Variants in ZFAT observed in about 807,000 individuals in gnomAD.
ZFAT encodes zinc finger and AT-hook domain containing, also known as zinc finger protein ZFAT.
In ZFAT, 64 loss-of-function variants were observed where a neutral mutation model predicts 117.7. The ratio of observed to expected loss-of-function variants is 0.54; its 90% CI spans 0.44 to 0.67. The LOEUF (loss-of-function observed/expected upper bound fraction) is 0.67, where lower values mean the gene tolerates loss of function less well. Ranked by LOEUF, ZFAT falls within the 30% of genes least tolerant of loss-of-function variation. The pLI is 0.00. For missense variants in ZFAT, 1,433 were observed against 1,584.5 expected (o/e 0.90, Z 1.62); for synonymous variants, 679 against 615.0 (o/e 1.10, Z -1.54).
intron 15 of ZFAT, among the ~76,000 whole-genome samples, chr8:134,508,468 G>A (rs1289357514): frequency 6.6e-6 from 1 of 152,156 alleles, no homozygotes; most frequent in Non-Finnish European, 1.5e-5. Context: ...ACACAATTCA[G>A]TAACAAATTT....
intron 12 of ZFAT, among the ~76,000 whole-genome samples, chr8:134,530,492 A>G (rs1212411809): frequency 6.6e-6 from 1 of 152,216 alleles, no homozygotes; most frequent in Non-Finnish European, 1.5e-5. Flanking sequence ...AACTGTGTTC[A>G]TACTCCACCA....
rs1817025588 is a variant in ZFAT at position 134,478,355 on chromosome 8, G to A, written c.*127C>T. 2.9e-6 allele frequency: 4 copies of A among 1,394,192 alleles called. No homozygotes were observed. In the East Asian group the frequency reaches 1.0e-4, roughly 35 times the overall value. The allele number at this position is 1,394,192 out of a possible 1,614,324, so 86.4% of individuals were successfully genotyped here. On this transcript the variant is annotated 3_prime_UTR_variant, in exon 16 of 16. Coordinates refer to ENST00000377838, the MANE Select transcript of ZFAT (RefSeq NM_020863.4). This position sits in a 1 kb window ranked among gnomAD's most constrained non-coding sequence, Gnocchi z 5.2. ...AGTTGGACTAGGAGAGTCCTATCAG[G>A]CTGCTGGGCAGGGAGGGCAAAGGAG...
the ZFAT span, among the ~76,000 whole-genome samples, chr8:134,739,784 G>T: frequency 1.3e-5 from 2 of 152,244 alleles, no homozygotes; most frequent in South Asian, 2.1e-4. Flanking sequence ...GCAGAGTGTA[G>T]CAGAGGCTGA....
At chr8:134,733,374 C>G in the ZFAT span, among the ~76,000 whole-genome samples, 1 of 152,150 alleles carries the variant, frequency 6.6e-6, no homozygotes, top group African/African-American at 2.4e-5. Context: ...GTTTGAGACT[C>G]CCTGGGGTAA....
chr8:134,521,830 G>A (rs1414896548), intron 12 of ZFAT, among the ~76,000 whole-genome samples: 1 of 152,168 alleles, frequency 6.6e-6, no homozygotes, highest in East Asian at 1.9e-4. Context: ...GCTGATGCTG[G>A]CACCACCGGG....
At chr8:134,739,491 T>C in the ZFAT span, among the ~76,000 whole-genome samples, 1 of 152,188 alleles carries the variant, frequency 6.6e-6, no homozygotes, top group Admixed American at 6.5e-5. Context: ...TCTCTCTGTC[T>C]TATTTTGTTA....
chr8:134,601,456 A>G (rs1827452199), intron 6 of ZFAT, 21 bp downstream of exon 6: 4 of 1,584,826 alleles, frequency 2.5e-6, no homozygotes, highest in Non-Finnish European at 2.6e-6. Context: ...AGGGCCACGC[A>G]CCGGCGCTGC....
chr8:134,742,888 G>A, the ZFAT span, among the ~76,000 whole-genome samples: 1 of 152,188 alleles, frequency 6.6e-6, no homozygotes, highest in Non-Finnish European at 1.5e-5. Flanking sequence ...TCTAAGGGGA[G>A]GGCCCTCCTG....
intron 7 of ZFAT, among the ~76,000 whole-genome samples, chr8:134,596,672 A>T (rs1826963145): frequency 6.6e-6 from 1 of 152,254 alleles, no homozygotes; most frequent in Non-Finnish European, 1.5e-5. Flanking sequence ...TCAACTGATG[A>T]AATGCAGTGT....
chr8:134,608,957 G>A (rs1828112880), intron 4 of ZFAT, 78 bp from the exon 5 acceptor site: 1 of 1,486,354 alleles, frequency 6.7e-7, no homozygotes, highest in Non-Finnish European at 9.0e-7. Context: ...AGAGGGGATG[G>A]TGCTGGGAAG....
At chr8:134,552,261 G>T (rs1414049099) in intron 11 of ZFAT, among the ~76,000 whole-genome samples, 1 of 152,090 alleles carries the variant, frequency 6.6e-6, no homozygotes, top group Non-Finnish European at 1.5e-5. Context: ...AAAAAAATGT[G>T]TTGAAAAATA....
the ZFAT span, among the ~76,000 whole-genome samples, chr8:134,801,608 T>C: frequency 6.6e-6 from 1 of 152,148 alleles, no homozygotes; most frequent in Admixed American, 6.6e-5. Context: ...TCTACAACCA[T>C]ACTGCTTTTC....
At chr8:134,744,480 GA>G in the ZFAT span, among the ~76,000 whole-genome samples, 1 of 151,558 alleles carries the variant, frequency 6.6e-6, no homozygotes, top group Non-Finnish European at 1.5e-5. Flanking sequence ...ATTTTTAGTA[GA>G]GATGGGGTTT....
intron 7 of ZFAT, among the ~76,000 whole-genome samples, chr8:134,595,058 A>G (rs1193926949): frequency 6.6e-6 from 1 of 152,188 alleles, no homozygotes; most frequent in Non-Finnish European, 1.5e-5. Context: ...AATTATCCCC[A>G]TGAGACTCTG....
At chr8:134,627,547 C>T (rs1829599824) in intron 3 of ZFAT, among the ~76,000 whole-genome samples, 1 of 152,102 alleles carries the variant, frequency 6.6e-6, no homozygotes, top group Admixed American at 6.5e-5. Context: ...TGCATGGGAG[C>T]AAGTATAGAT....
chr8:134,734,352 A>AT, the ZFAT span, among the ~76,000 whole-genome samples: 5 of 152,180 alleles, frequency 3.3e-5, no homozygotes, highest in South Asian at 1.0e-3. Context: ...ACCAGTCTTT[A>AT]TTTTTAGGAA....
intron 5 of ZFAT, among the ~76,000 whole-genome samples, chr8:134,605,268 C>T (rs1040526048): frequency 4.6e-5 from 7 of 152,202 alleles, no homozygotes; most frequent in Admixed American, 1.3e-4. Flanking sequence ...GGAATCCGGC[C>T]AGGCGCAGTG....
chr8:134,563,437 G>A (rs1690057647), intron 11 of ZFAT, among the ~76,000 whole-genome samples: 1 of 152,180 alleles, frequency 6.6e-6, no homozygotes, highest in Admixed American at 6.5e-5. Flanking sequence ...ATCCCTCCGA[G>A]CCTCCCTCTG....
chr8:134,660,267 C>T (rs537586048), intron 1 of ZFAT, among the ~76,000 whole-genome samples: 1 of 152,346 alleles, frequency 6.6e-6, no homozygotes, highest in Admixed American at 6.5e-5. Context: ...TTCTCTCCTA[C>T]CTGCATTTGA....
Sources: allele counts gnomAD v4.1 joint callset (sites outside exome capture counted in the v4.1 genomes callset), GRCh38; gene constraint gnomAD v4.1.1; non-coding constraint Gnocchi (gnomAD v3.1); transcripts MANE v1.5; gene names NCBI Gene and HGNC (gene_info 2026-07-23, HGNC 2026-07-21).